IQGAP1: variants seen among roughly 807,000 people sequenced by gnomAD.
The protein encoded by IQGAP1 is ras GTPase-activating-like protein IQGAP1.
Under a neutral mutation model 215.6 loss-of-function variants are expected in IQGAP1, and 66 were observed. The ratio of observed to expected loss-of-function variants is 0.31; its 90% CI spans 0.25 to 0.38. IQGAP1 has a LOEUF of 0.38. Ranked by LOEUF, IQGAP1 falls within the 10% of genes least tolerant of loss-of-function variation. The pLI, the probability that IQGAP1 is intolerant of heterozygous loss-of-function variation, is 1.00. For missense variants in IQGAP1, 1,712 were observed against 1,997.1 expected (o/e 0.86, Z 2.72); for synonymous variants, 772 against 728.7 (o/e 1.06, Z -0.96).
In IQGAP1 at chr15:90,441,476, G is replaced by T. The variant is rs1567127166; in HGVS notation, c.650-30G>T. 12 of 1,572,776 alleles carry T rather than the reference G, an allele frequency of 7.6e-6. No individual in the cohort carries two copies. In the Admixed American group the frequency reaches 1.1e-4, roughly 14 times the overall value. On this transcript the variant is annotated intron_variant, in intron 7 of 37. Transcript: ENST00000268182. ...TAATCTATATAATCTCAGTGTTTTT[G>T]TTGGTTTGTTTTTTTGTTTTTTTTT...
chr15:90,448,869 T>TA (rs886147324), intron 10 of IQGAP1, 133 bp downstream of exon 10: 216 of 789,480 alleles, frequency 2.7e-4, no homozygotes, highest in Non-Finnish European at 3.3e-4. Context: ...TAAATTAGTT[T>TA]AAAAAAAAAT....
rs1365276486 is a variant in IQGAP1, at chr15:90,395,139, A to G, written c.155+4266A>G. 2.0e-5 allele frequency among the ~76,000 whole-genome samples: 3 copies of G among 152,326 alleles called. 1 individual carries two copies. The East Asian group carries it at 5.8e-4, about 29-fold the overall frequency. On this transcript the variant is annotated intron_variant, in intron 2 of 37. Coordinates refer to ENST00000268182, the MANE Select transcript of IQGAP1 (RefSeq NM_003870.4). ...TTTGGAGAGCAGCTTCAATATTGAAATTAAGCCGCTGTTCTAATGAGATAT... is the reference window on the plus strand; with the variant it reads ...TTTGGAGAGCAGCTTCAATATTGAAGTTAAGCCGCTGTTCTAATGAGATAT...
intron 15 of IQGAP1, among the ~76,000 whole-genome samples, chr15:90,464,577 G>T (rs1183944690): frequency 6.6e-6 from 1 of 152,112 alleles, no homozygotes; most frequent in Non-Finnish European, 1.5e-5. Flanking sequence ...ACGGCCAGGC[G>T]CAGTGGCTCA....
intron 2 of IQGAP1, among the ~76,000 whole-genome samples, chr15:90,412,378 C>T (rs547132563): frequency 6.6e-6 from 1 of 152,304 alleles, no homozygotes; most frequent in South Asian, 2.1e-4. Context: ...CCTCACTTCT[C>T]TCTAGCCCTT....
chr15:90,419,677 G>T (rs1965105757), intron 2 of IQGAP1, among the ~76,000 whole-genome samples: 1 of 152,182 alleles, frequency 6.6e-6, no homozygotes, highest in African/African-American at 2.4e-5. Flanking sequence ...GTGGAGATTA[G>T]TGCAAATAAT....
At chr15:90,395,540 T>TA (rs1193544470) in intron 2 of IQGAP1, among the ~76,000 whole-genome samples, 35 of 152,280 alleles carry the variant, frequency 2.3e-4, no homozygotes, top group African/African-American at 8.2e-4. Context: ...CAGGATAGTC[T>TA]TGATCTCCTG....
chr15:90,435,216 C>T (rs990812341), intron 5 of IQGAP1, among the ~76,000 whole-genome samples: 3 of 152,120 alleles, frequency 2.0e-5, no homozygotes, highest in African/African-American at 7.2e-5. Flanking sequence ...GTGGCTCTCA[C>T]CTGTAATCCC....
chr15:90,409,076 C>T (rs906200896), intron 2 of IQGAP1, among the ~76,000 whole-genome samples: 2 of 151,924 alleles, frequency 1.3e-5, no homozygotes, highest in African/African-American at 4.8e-5. Flanking sequence ...GTTCTTATTC[C>T]AATATTATTT....
At chr15:90,413,916 G>A (rs1384989888) in intron 2 of IQGAP1, among the ~76,000 whole-genome samples, 1 of 152,184 alleles carries the variant, frequency 6.6e-6, no homozygotes, top group Non-Finnish European at 1.5e-5. Context: ...CAGGGAGGAA[G>A]TGGGGTATAT....
intron 2 of IQGAP1, among the ~76,000 whole-genome samples, chr15:90,413,585 A>G (rs1340520305): frequency 6.6e-6 from 1 of 152,240 alleles, no homozygotes; most frequent in African/African-American, 2.4e-5. Flanking sequence ...TCGGCATGGC[A>G]TTCCAGAGAT....
At chr15:90,483,252 T>G in intron 28 of IQGAP1, 109 bp from the exon 29 acceptor site, 1 of 725,170 alleles carries the variant, frequency 1.4e-6, no homozygotes, top group African/African-American at 1.8e-5. Context: ...TTTTATTTAT[T>G]TTTTCCTCAT....
At chr15:90,407,669 TTATTAA>T (rs1018241343) in intron 2 of IQGAP1, among the ~76,000 whole-genome samples, 8 of 152,374 alleles carry the variant, frequency 5.3e-5, no homozygotes, top group Admixed American at 3.9e-4. Flanking sequence ...ATTTCCTGTG[TTATTAA>T]AAACTATTTT....
intron 1 of IQGAP1, among the ~76,000 whole-genome samples, chr15:90,389,915 A>G (rs1237739646): frequency 6.6e-6 from 1 of 150,562 alleles, no homozygotes. Flanking sequence ...TGATTGTGCC[A>G]CTGCACTCGA....
Position 90,473,917 on chromosome 15 carries a change from C to A in IQGAP1, c.2455C>A (p.His819Asn). ...VVKIQSLARM[H>N]QARKRYRDRL... is the part of the protein sequence containing the mutation. Reference sequence around the variant, plus strand: ...ACAGATTCAGTCCCTGGCAAGGATGCACCAAGCTCGAAAGCGCTATCGAGA... The same window carrying A: ...ACAGATTCAGTCCCTGGCAAGGATGAACCAAGCTCGAAAGCGCTATCGAGA... The change falls in exon 21 of 38, where the codon CAC becomes AAC. Residue 819 changes from histidine (H) to asparagine (N), a missense_variant. Physicochemically the swap from His to Asn is moderately conservative, Grantham distance 68 (BLOSUM62 1). This residue lies in a region of IQGAP1 where 1,021 missense variants were observed against 1,074.2 expected (regional missense o/e 0.95). Coordinates refer to ENST00000268182, the MANE Select transcript of IQGAP1 (RefSeq NM_003870.4). The A allele has an allele frequency of 6.2e-7, 1 of 1,613,934 alleles. No homozygotes were observed. Among genetic ancestry groups the A allele is most frequent in the Non-Finnish European group, 8.5e-7 (1 of 1,179,998 alleles).
Position 90,491,565 on chromosome 15 carries a change from G to C in IQGAP1, c.4461+20G>C. 1 of 1,600,606 alleles carries C rather than the reference G, an allele frequency of 6.2e-7. No homozygotes were observed. Among genetic ancestry groups the C allele is most frequent in the Non-Finnish European group, 8.6e-7 (1 of 1,168,024 alleles). On this transcript the variant is annotated intron_variant, in intron 34 of 37. Coordinates refer to ENST00000268182, the MANE Select transcript of IQGAP1 (RefSeq NM_003870.4). ...GCCAGGGTACTGCATTCGGGGGACA[G>C]AGGGGACCCGGCCTTGTTCAAAGCT...
chr15:90,405,575 T>G (rs1452294561), intron 2 of IQGAP1, among the ~76,000 whole-genome samples: 2 of 152,070 alleles, frequency 1.3e-5, no homozygotes, highest in Non-Finnish European at 2.9e-5. Flanking sequence ...AAAGAAAGGG[T>G]TTAGTGGTGA....
rs144952990 is a variant in IQGAP1, at chr15:90,458,290, C to T, written c.1776+1975C>T. Among the ~76,000 whole-genome samples, 42 of 152,130 alleles carry T rather than the reference C, an allele frequency of 2.8e-4. No homozygotes were observed. The East Asian group carries it at 6.9e-3, about 25-fold the overall frequency. On this transcript the variant is annotated intron_variant, in intron 15 of 37. Coordinates refer to ENST00000268182, the MANE Select transcript of IQGAP1 (RefSeq NM_003870.4). ...GAGTTGATGACACATGGATTATTTC[C>T]ACTTTACCACATTTTATTTATCCAT...
intron 2 of IQGAP1, among the ~76,000 whole-genome samples, chr15:90,420,832 C>T (rs1965122929): frequency 6.6e-6 from 1 of 152,228 alleles, no homozygotes; most frequent in African/African-American, 2.4e-5. Context: ...AGGCAACCCT[C>T]CCACCTCAGC....
At chr15:90,494,691 T>A in intron 35 of IQGAP1, 22 bp from the exon 36 acceptor site, 2 of 1,586,526 alleles carry the variant, frequency 1.3e-6, no homozygotes, top group Non-Finnish European at 1.7e-6. Flanking sequence ...TTATAGAAAG[T>A]GACATGATGT....
Sources: allele counts gnomAD v4.1 joint callset (sites outside exome capture counted in the v4.1 genomes callset), GRCh38; gene constraint gnomAD v4.1.1; regional missense constraint gnomAD v4.1.1; transcripts MANE v1.5; gene names NCBI Gene and HGNC (gene_info 2026-07-23, HGNC 2026-07-21).